The following HS6ST3 variants were observed in gnomAD, a reference collection of about 807,000 sequenced individuals.
The protein encoded by HS6ST3 is heparan sulfate 6-O-sulfotransferase 3, also known as heparan-sulfate 6-O-sulfotransferase 3.
A neutral mutation model predicts 36.7 loss-of-function variants in HS6ST3; 12 were observed. The observed-to-expected ratio is 0.33, with a 90% CI of 0.21 to 0.53. The LOEUF is 0.53. HS6ST3 is among the 20% of genes least tolerant of loss of function. HS6ST3 has a pLI of 0.95. For synonymous variants in HS6ST3, 240 were observed against 257.5 expected (o/e 0.93, Z 0.65); for missense variants, 584 against 640.9 (o/e 0.91, Z 0.96).
At chr13:96,753,468 T>G (rs1408903464) in intron 1 of HS6ST3, among the ~76,000 whole-genome samples, 2 of 152,196 alleles carry the variant, frequency 1.3e-5, no homozygotes, top group African/African-American at 4.8e-5. Flanking sequence ...ATATTTCTGT[T>G]GTTATTTTAA....
chr13:96,292,385 A>T (rs1225652337), intron 1 of HS6ST3, among the ~76,000 whole-genome samples: 1 of 152,092 alleles, frequency 6.6e-6, no homozygotes, highest in Non-Finnish European at 1.5e-5. Flanking sequence ...TATTTCTTTG[A>T]GCCGTGGAGT....
chr13:96,144,619 A>T (rs2054047427), intron 1 of HS6ST3, among the ~76,000 whole-genome samples: 1 of 151,562 alleles, frequency 6.6e-6, no homozygotes, highest in Non-Finnish European at 1.5e-5. Context: ...TTATAAATAA[A>T]ATTATTTTAT....
Position 96,242,333 on chromosome 13 carries a change from TC to T in HS6ST3, c.707+150766del, listed in dbSNP as rs1196328535. Among the ~76,000 whole-genome samples the T allele has an allele frequency of 4.6e-5, 7 of 151,858 alleles. No homozygotes were observed. The East Asian group carries it at 1.4e-3, about 30-fold the overall frequency. On this transcript the variant is annotated intron_variant, in intron 1 of 1. Coordinates refer to ENST00000376705, the MANE Select transcript of HS6ST3 (RefSeq NM_153456.4). The stretch of plus-strand genomic sequence containing the variant: ...TTGACCTCCCGGGTCCAGGTGATCC[TC>T]CTGCCTCAGCCTCCTAGGTAGCTGG...
chr13:96,766,508 G>C (rs1877121627), intron 1 of HS6ST3, among the ~76,000 whole-genome samples: 1 of 152,018 alleles, frequency 6.6e-6, no homozygotes, highest in South Asian at 2.1e-4. Flanking sequence ...AGTCTAGGTG[G>C]GATAACATTT....
intron 1 of HS6ST3, among the ~76,000 whole-genome samples, chr13:96,260,938 C>G (rs1369821073): frequency 6.6e-6 from 1 of 152,146 alleles, no homozygotes; most frequent in Non-Finnish European, 1.5e-5. Flanking sequence ...CTGTGCCTGT[C>G]CTGGATTTTC....
At chr13:96,302,087 T>G (rs2054886250) in intron 1 of HS6ST3, among the ~76,000 whole-genome samples, 1 of 151,914 alleles carries the variant, frequency 6.6e-6, no homozygotes, top group African/African-American at 2.4e-5. Flanking sequence ...GGGGGTTATA[T>G]TAATAGTTTA....
At position 96,338,760 on chromosome 13, in the gene HS6ST3, T is replaced by C. The variant is rs547113847; in HGVS notation, c.707+247191T>C. On this transcript the variant is annotated intron_variant, in intron 1 of 1. Transcript: ENST00000376705. ...CTCTCCTTCTCTCTCTTTATAGTTG[T>C]AGGGCTTCACCTTTGGTGCCCCTTT... Among the ~76,000 whole-genome samples the C allele has an allele frequency of 2.0e-5, 3 of 152,276 alleles. No homozygotes were observed. The South Asian group carries it at 6.2e-4, about 32-fold the overall frequency.
intron 1 of HS6ST3, among the ~76,000 whole-genome samples, chr13:96,266,074 C>G (rs919499564): frequency 1.3e-5 from 2 of 151,956 alleles, no homozygotes; most frequent in African/African-American, 4.8e-5. Flanking sequence ...GCAAGAGCAC[C>G]ATAGCAATGC....
At chr13:96,294,315 A>C (rs1160572865) in intron 1 of HS6ST3, among the ~76,000 whole-genome samples, 2 of 152,202 alleles carry the variant, frequency 1.3e-5, no homozygotes, top group East Asian at 1.9e-4. Flanking sequence ...TTGATATTTC[A>C]GGCAGTAAGT....
intron 1 of HS6ST3, among the ~76,000 whole-genome samples, chr13:96,733,180 T>C (rs1240550290): frequency 6.6e-6 from 1 of 152,004 alleles, no homozygotes; most frequent in Non-Finnish European, 1.5e-5. Context: ...TGGATAGGAG[T>C]GGTGAGAGTG....
chr13:96,616,260 C>T (rs1368367446), intron 1 of HS6ST3, among the ~76,000 whole-genome samples: 10 of 152,172 alleles, frequency 6.6e-5, no homozygotes, highest in Admixed American at 5.9e-4. Context: ...AATCCATAAA[C>T]TAGACAATTG....
chr13:96,093,321 T>G (rs2053774423), intron 1 of HS6ST3, among the ~76,000 whole-genome samples: 1 of 152,148 alleles, frequency 6.6e-6, no homozygotes, highest in African/African-American at 2.4e-5. Flanking sequence ...TAATTAGATT[T>G]TTGCTTAGTG....
intron 1 of HS6ST3, among the ~76,000 whole-genome samples, chr13:96,164,418 G>A (rs1218870797): frequency 1.3e-5 from 2 of 151,858 alleles, no homozygotes; most frequent in African/African-American, 4.8e-5. Context: ...AATTAGCCTG[G>A]CGTGGTGACG....
chr13:96,213,948 C>T (rs2054411632), intron 1 of HS6ST3, among the ~76,000 whole-genome samples: 1 of 152,028 alleles, frequency 6.6e-6, no homozygotes, highest in South Asian at 2.1e-4. Flanking sequence ...TGAGAAAGTA[C>T]AGAGAATAAT....
chr13:96,591,497 T>C (rs1169343906), intron 1 of HS6ST3, among the ~76,000 whole-genome samples: 1 of 152,148 alleles, frequency 6.6e-6, no homozygotes, highest in Non-Finnish European at 1.5e-5. Flanking sequence ...TTTCAGATTG[T>C]TCACTGTTAG....
chr13:96,467,969 G>C (rs1202256355), intron 1 of HS6ST3, among the ~76,000 whole-genome samples: 1 of 152,152 alleles, frequency 6.6e-6, no homozygotes, highest in African/African-American at 2.4e-5. Flanking sequence ...GCATTAGTCA[G>C]TATCAACATT....
intron 1 of HS6ST3, among the ~76,000 whole-genome samples, chr13:96,123,834 A>G (rs2053938141): frequency 6.6e-6 from 1 of 152,184 alleles, no homozygotes; most frequent in African/African-American, 2.4e-5. Context: ...CAATGAGTGG[A>G]GGATGCAGGT....
rs140856084 is a variant in HS6ST3, at chr13:96,356,655, G to A, written c.707+265086G>A. Among the ~76,000 whole-genome samples the A allele has an allele frequency of 1.5e-3, 224 of 152,230 alleles. 3 individuals are homozygous for A. The highest frequency in any genetic ancestry group is 0.013 in the South Asian group (63 of 4,824). ...TGTAAACAGATTTGATGTCATCCAC[G>A]CTTTTTTGTTCCACTAATAGAGCAC... On this transcript the variant is annotated intron_variant, in intron 1 of 1. Transcript: ENST00000376705.
intron 1 of HS6ST3, among the ~76,000 whole-genome samples, chr13:96,454,998 C>G (rs1360887505): frequency 6.6e-6 from 1 of 151,702 alleles, no homozygotes; most frequent in Non-Finnish European, 1.5e-5. Flanking sequence ...ATGTAAATTC[C>G]TCCCCTTTTC....
Sources: gnomAD v4.1 joint callset for allele counts (sites outside exome capture counted in the v4.1 genomes callset) on GRCh38, gnomAD v4.1.1 for gene constraint, MANE v1.5 for transcripts, NCBI Gene and HGNC (gene_info 2026-07-23, HGNC 2026-07-21) for gene names.